Variants in PTBP1 observed in about 807,000 individuals in gnomAD.
PTBP1 encodes polypyrimidine tract binding protein 1.
In PTBP1, 8 loss-of-function variants were observed where a neutral mutation model predicts 59.8. That is an observed-to-expected ratio of 0.13 (90% CI 0.08 to 0.24). The LOEUF is 0.24. Ranked by LOEUF, PTBP1 falls within the 10% of genes least tolerant of loss-of-function variation. The probability of loss-of-function intolerance (pLI) is 1.00; values close to 1 mark genes in which losing one functional copy is unlikely to be tolerated. For missense variants in PTBP1, 686 were observed against 767.0 expected (o/e 0.89, Z 1.25); for synonymous variants, 490 against 320.7 (o/e 1.53, Z -5.64).
In PTBP1 at chr19:805,087, C is replaced by T. The variant is rs146721928; in HGVS notation, c.792C>T (p.Asn264=). 29 of 1,613,784 alleles carry T rather than the reference C, an allele frequency of 1.8e-5. No individual in the cohort carries two copies. Among genetic ancestry groups the T allele is most frequent in the Middle Eastern group, 1.6e-4 (1 of 6,084 alleles). The change falls in exon 8 of 15, where the codon AAC becomes AAT. Residue 264 remains asparagine (N), a synonymous_variant. Transcript: ENST00000356948. ...RIDFSKLTSL[N]VKYNNDKSRD... ...ACTTTTCCAAGCTCACCAGCCTCAA[C>T]GTCAAGTACAACAATGACAAGAGCC... is the stretch of plus-strand genomic sequence containing the variant.
At position 806,177 on chromosome 19, in the gene PTBP1, C is replaced by A. The variant is rs865823087; in HGVS notation, c.971-231C>A. 4 of 468,966 alleles carry A rather than the reference C, an allele frequency of 8.5e-6. No individual in the cohort carries two copies. The South Asian group carries it at 1.3e-4, about 16-fold the overall frequency. The allele number at this position is 468,966 out of a possible 1,614,324, so 29.1% of individuals were successfully genotyped here. On this transcript the variant is annotated intron_variant, in intron 9 of 14. Coordinates refer to ENST00000356948, the MANE Select transcript of PTBP1 (RefSeq NM_002819.5). ...TGTGGGCGGGGCGCATGCAGATGAG[C>A]CCAGGCCCGGCCCGGCCCGTGCTGT... is the stretch of plus-strand genomic sequence containing the variant.
At chr19:806,279 A>C in intron 9 of PTBP1, 129 bp from the exon 10 acceptor site, 1 of 1,082,070 alleles carries the variant, frequency 9.2e-7, no homozygotes, top group Non-Finnish European at 1.2e-6. Context: ...CACCCAGGGT[A>C]GGGCCAGAGC....
At position 811,050 on chromosome 19, in the gene PTBP1, C is replaced by A; in HGVS notation, c.*224C>A. 2.1e-6 allele frequency: 1 copy of A among 473,432 alleles called. No individual in the cohort carries two copies. Among genetic ancestry groups the A allele is most frequent in the Non-Finnish European group, 3.6e-6 (1 of 277,602 alleles). The allele number at this position is 473,432 out of a possible 1,614,324, so 29.3% of individuals were successfully genotyped here. On this transcript the variant is annotated 3_prime_UTR_variant, in exon 15 of 15. Transcript: ENST00000356948. ...TGGTGACTGTGGCAGCGGGAGTTCC[C>A]GGCCCTCCACACCCGGGGCCAGACC...
intron 2 of PTBP1, among the ~76,000 whole-genome samples, chr19:799,856 G>C (rs1004183590): frequency 2.0e-5 from 3 of 152,186 alleles, no homozygotes; most frequent in African/African-American, 7.2e-5. Context: ...GACCTGGATA[G>C]AATCCAGCCT....
chr19:801,502 A>C (rs2034331926), intron 2 of PTBP1, among the ~76,000 whole-genome samples: 1 of 152,292 alleles, frequency 6.6e-6, no homozygotes, highest in African/African-American at 2.4e-5. Flanking sequence ...GGCCCCGCCC[A>C]CCACTCCAGT....
chr19:806,347 C>A, intron 9 of PTBP1, 61 bp from the exon 10 acceptor site: 2 of 1,520,152 alleles, frequency 1.3e-6, no homozygotes, highest in South Asian at 2.5e-5. Context: ...GAGCGTCGGC[C>A]TCTCCCACTC....
chr19:805,281 A>G (rs958526567), intron 8 of PTBP1, 94 bp downstream of exon 8: 1 of 1,429,146 alleles, frequency 7.0e-7, no homozygotes, highest in Non-Finnish European at 9.6e-7. Context: ...GCCCTGCACC[A>G]GGGTGATGCA....
At position 808,930 on chromosome 19, in the gene PTBP1, T is replaced by G. The variant is rs1265010085; in HGVS notation, c.1463+168T>G. ...GCCTGGAGCTTGAGCCGAGGGCTGC[T>G]CAAGGGAGGGGGTCGTTGGACACTT... On this transcript the variant is annotated intron_variant, in intron 13 of 14. Transcript: ENST00000356948. This position sits in a 1 kb window ranked among gnomAD's most constrained non-coding sequence, Gnocchi z 4.7. 6.6e-6 allele frequency among the ~76,000 whole-genome samples: 1 copy of G among 152,156 alleles called. No homozygotes were observed. The highest frequency in any genetic ancestry group is 1.5e-5 in the Non-Finnish European group (1 of 68,036).
In PTBP1 at chr19:808,527, G is replaced by A. The variant is rs200530549; in HGVS notation, c.1247-19G>A. The A allele has an allele frequency of 6.8e-4, 1,069 of 1,569,306 alleles. 6 individuals carry two copies. The highest frequency in any genetic ancestry group is 3.6e-3 in the Middle Eastern group (16 of 4,388). On this transcript the variant is annotated intron_variant, in intron 12 of 14. Transcript: ENST00000356948. The surrounding 1 kb of genome is among the most constrained non-coding windows in gnomAD (Gnocchi z 4.7). ...CGTTCCCTCTCGGGCGCCTGGTCAC[G>A]CGGGTGCTGCTCCCCCAGCCATGAG... is the stretch of plus-strand genomic sequence containing the variant.
rs1045039132 is a variant in PTBP1, at chr19:812,283, C to G, written c.*1457C>G. Reference sequence around the variant, plus strand: ...TAGAGGCAGGTTGGCCAGTCTGTACCTGGACTTCGAATAAATCTTCTGTAT... The same window carrying G: ...TAGAGGCAGGTTGGCCAGTCTGTACGTGGACTTCGAATAAATCTTCTGTAT... On this transcript the variant is annotated 3_prime_UTR_variant, in exon 15 of 15. Transcript: ENST00000356948. 5 of 155,662 alleles carry G rather than the reference C, an allele frequency of 3.2e-5. No homozygotes were observed. The highest frequency in any genetic ancestry group is 1.2e-4 in the African/African-American group (5 of 41,520). 9.6% of individuals were successfully genotyped at this position (155,662 alleles called of 1,614,324 possible). A position where few individuals can be genotyped will look rare whatever the true frequency, so the allele number is the denominator to read the frequency against.
Position 808,251 on chromosome 19 carries a change from C to A in PTBP1, c.1154-109C>A. 1.0e-6 allele frequency: 1 copy of A among 955,686 alleles called. No individual in the cohort carries two copies. The highest frequency in any genetic ancestry group is 2.6e-5 in the East Asian group (1 of 37,982). The allele number at this position is 955,686 out of a possible 1,614,324, so 59.2% of individuals were successfully genotyped here. ...GCTCCGCAGTGGCCGATAAAGCAAA[C>A]CCGGCCGGGCTGAGCCGGGCCTTGT... On this transcript the variant is annotated intron_variant, in intron 11 of 14. Coordinates refer to ENST00000356948, the MANE Select transcript of PTBP1 (RefSeq NM_002819.5). The surrounding 1 kb of genome is among the most constrained non-coding windows in gnomAD (Gnocchi z 4.7).
At chr19:798,196 A>C (rs1184310124) in intron 1 of PTBP1, among the ~76,000 whole-genome samples, 2 of 151,562 alleles carry the variant, frequency 1.3e-5, no homozygotes, top group Non-Finnish European at 2.9e-5. Context: ...CCGGGGCCGG[A>C]GGGGCCTCTC....
rs2034649605 is a variant in PTBP1, at chr19:807,814, C to T, written c.1120-55C>T. The T allele has an allele frequency of 2.7e-6, 4 of 1,498,146 alleles. No individual in the cohort carries two copies. In the South Asian group the frequency reaches 4.6e-5, roughly 17 times the overall value. 92.8% of individuals were successfully genotyped at this position (1,498,146 alleles called of 1,614,324 possible). ...TGTGGACGATTGGCAACTCGCCCCC[C>T]TTGACCTCTCCCTCTCCCCTGTCCC... On this transcript the variant is annotated intron_variant, in intron 10 of 14. Transcript: ENST00000356948.
In PTBP1 at chr19:808,775, C is replaced by A. The variant is rs2034702778; in HGVS notation, c.1463+13C>A. 6.5e-7 allele frequency: 1 copy of A among 1,541,754 alleles called. No homozygotes were observed. Among genetic ancestry groups the A allele is most frequent in the East Asian group, 2.3e-5 (1 of 44,282 alleles). On this transcript the variant is annotated intron_variant, in intron 13 of 14. Coordinates refer to ENST00000356948, the MANE Select transcript of PTBP1 (RefSeq NM_002819.5). The surrounding 1 kb of genome is among the most constrained non-coding windows in gnomAD (Gnocchi z 4.7). ...TCTCCAACATCCCGTGAGTGCTGGG[C>A]CGGGGGGCTCATGGGGCCGGGGGCG...
At chr19:809,330 TTTAC>T (rs1768511879) in intron 13 of PTBP1, among the ~76,000 whole-genome samples, 1 of 149,746 alleles carries the variant, frequency 6.7e-6, no homozygotes, top group Non-Finnish European at 1.5e-5. Flanking sequence ...ATTTATTTAT[TTTAC>T]TTATTTTGAG....
chr19:798,866 T>A (rs1259952496), intron 1 of PTBP1, among the ~76,000 whole-genome samples: 2 of 152,202 alleles, frequency 1.3e-5, no homozygotes, highest in African/African-American at 4.8e-5. Flanking sequence ...TAACTGAGGC[T>A]GTGTTCTGGT....
intron 10 of PTBP1, chr19:807,580 G>T (rs545823710): frequency 1.0e-3 from 387 of 388,246 alleles, no homozygotes; most frequent in Non-Finnish European, 1.5e-3. Flanking sequence ...TTTTTTTCTT[G>T]CCCTGATCCG....
intron 10 of PTBP1, chr19:807,642 GAAACA>G (rs1393988881): frequency 2.1e-6 from 1 of 485,572 alleles, no homozygotes. Context: ...GTTGTTGCTT[GAAACA>G]AAACAAAAAC....
At chr19:799,316 C>T (rs1338063473) in intron 1 of PTBP1, 97 bp from the exon 2 acceptor site, 1 of 1,126,238 alleles carries the variant, frequency 8.9e-7, no homozygotes, top group East Asian at 2.3e-5. Flanking sequence ...GTGGCAGCTG[C>T]AGGGACCTAC....
Sources: allele counts gnomAD v4.1 joint callset (sites outside exome capture counted in the v4.1 genomes callset), GRCh38; gene constraint gnomAD v4.1.1; non-coding constraint Gnocchi (gnomAD v3.1); transcripts MANE v1.5; gene names NCBI Gene and HGNC (gene_info 2026-07-23, HGNC 2026-07-21).